Variants in RPL28 observed in about 807,000 individuals in gnomAD.
The protein encoded by RPL28 is large ribosomal subunit protein eL28.
RPL28 carries 4 observed loss-of-function variants against 12.5 expected under a neutral mutation model. The observed-to-expected ratio is 0.32, with a 90% CI of 0.16 to 0.73. The LOEUF (loss-of-function observed/expected upper bound fraction) is 0.73. Ranked by LOEUF, RPL28 falls within the 30% of genes least tolerant of loss-of-function variation. The pLI, the probability that RPL28 is intolerant of heterozygous loss-of-function variation, is 0.66. For synonymous variants in RPL28, 91 were observed against 72.5 expected (o/e 1.26, Z -1.30); for missense variants, 214 against 197.7 (o/e 1.08, Z -0.49).
rs578220068 is a variant in RPL28 at position 55,389,606 on chromosome 19, C to T, written c.*1274C>T. On this transcript the variant is annotated 3_prime_UTR_variant, in exon 5 of 5. Coordinates refer to ENST00000344063, the MANE Select transcript of RPL28 (RefSeq NM_000991.5). The stretch of plus-strand genomic sequence containing the variant: ...TTGGGGTCGTACGGGGCTGGGAGCC[C>T]TGCGTTTTGAGGCAGACCACTGCCC... 2 of 985,388 alleles carry T rather than the reference C, an allele frequency of 2.0e-6. No individual in the cohort carries two copies. Among genetic ancestry groups the T allele is most frequent in the Non-Finnish European group, 2.4e-6 (2 of 829,986 alleles). The allele number at this position is 985,388 out of a possible 1,614,324, so 61.0% of individuals were successfully genotyped here.
chr19:55,394,078 C>T (rs956601238), downstream of RPL28, among the ~76,000 whole-genome samples: 1 of 151,980 alleles, frequency 6.6e-6, no homozygotes, highest in South Asian at 2.1e-4. Flanking sequence ...CAGGCTAACA[C>T]AGTGAAACCC....
At chr19:55,397,331 T>C (rs2090030549) in intron 4 of RPL28, among the ~76,000 whole-genome samples, 1 of 152,360 alleles carries the variant, frequency 6.6e-6, no homozygotes, top group Middle Eastern at 3.4e-3. Context: ...TGTATGGTAT[T>C]GTTTCTTAAA....
At chr19:55,401,487 C>G (rs1379223748) in intron 4 of RPL28, 4 of 1,608,974 alleles carry the variant, frequency 2.5e-6, no homozygotes, top group East Asian at 2.2e-5. Flanking sequence ...TGGCCGCCAG[C>G]TTCTTATCGC....
intron 4 of RPL28, chr19:55,399,758 T>C (rs1268423577): frequency 6.6e-6 from 1 of 152,170 alleles, no homozygotes; most frequent in East Asian, 1.9e-4. Context: ...GGGCAAATAT[T>C]ATTTTTATTA....
exon 5 of RPL28, chr19:55,403,187 T>C: frequency 1.5e-6 from 1 of 662,096 alleles, no homozygotes; most frequent in Non-Finnish European, 2.7e-6. Context: ...CAAAATCACC[T>C]CTGGCTGAGA....
downstream of RPL28, among the ~76,000 whole-genome samples, chr19:55,392,765 G>A (rs1275733849): frequency 1.3e-5 from 2 of 152,006 alleles, no homozygotes; most frequent in Non-Finnish European, 2.9e-5. Flanking sequence ...TCCTGACCTC[G>A]TGATCCGTCC....
At chr19:55,399,646 A>C (rs747221908) in intron 4 of RPL28, 4 of 152,172 alleles carry the variant, frequency 2.6e-5, no homozygotes, top group Non-Finnish European at 5.9e-5. Flanking sequence ...CCCCTTCCTG[A>C]AGCTACGCAG....
intron 4 of RPL28, chr19:55,400,580 A>G (rs1393252398): frequency 2.6e-5 from 4 of 152,258 alleles, no homozygotes; most frequent in Non-Finnish European, 4.4e-5. Context: ...AAGGAGGGGC[A>G]GCTTCTTGGA....
At chr19:55,393,252 C>A (rs905565112), downstream of RPL28, among the ~76,000 whole-genome samples, 1 of 128,314 alleles carries the variant, frequency 7.8e-6, no homozygotes, top group Non-Finnish European at 1.7e-5. Flanking sequence ...GCACCCCCCC[C>A]CCCCCCCGAC....
At position 55,397,612 on chromosome 19, in the gene RPL28, T is replaced by C. The variant is rs551704698; in HGVS notation, c.325-5331T>C. Among the ~76,000 whole-genome samples, 398 of 151,936 alleles carry C rather than the reference T, an allele frequency of 2.6e-3. 3 individuals are homozygous for C. The highest frequency in any genetic ancestry group is 0.014 in the Middle Eastern group (4 of 292). Reference sequence around the variant, plus strand: ...AGCCAGGATAGTCTCGATCTCCTGATCTTGTGATCCACCCGCCTCGACCTC... The same window carrying C: ...AGCCAGGATAGTCTCGATCTCCTGACCTTGTGATCCACCCGCCTCGACCTC... On this transcript the variant is annotated intron_variant, in intron 4 of 4. Transcript: ENST00000560055.
exon 5 of RPL28, chr19:55,402,947 C>T (rs1051601585): frequency 2.8e-5 from 43 of 1,520,664 alleles, no homozygotes; most frequent in Middle Eastern, 1.7e-4. Context: ...TTTCAGCTTG[C>T]GGGAAGGGTT....
At position 55,388,555 on chromosome 19, in the gene RPL28, T is replaced by C. The variant is rs2089959124; in HGVS notation, c.*223T>C. On this transcript the variant is annotated 3_prime_UTR_variant, in exon 5 of 5. Coordinates refer to ENST00000344063, the MANE Select transcript of RPL28 (RefSeq NM_000991.5). ...TGTCCCTGGTGAGGGCAAGGGTCAC[T>C]GTCTTCACAGAAAAAGTTTGCTGAC... 8.0e-7 allele frequency: 1 copy of C among 1,256,314 alleles called. No individual in the cohort carries two copies. Among genetic ancestry groups the C allele is most frequent in the Non-Finnish European group, 1.0e-6 (1 of 1,000,360 alleles). 77.8% of individuals were successfully genotyped at this position (1,256,314 alleles called of 1,614,324 possible). A position where few individuals can be genotyped will look rare whatever the true frequency, so the allele number is the denominator to read the frequency against.
chr19:55,399,156 TTTTTCTTTTCTTTTC>T (rs141233275), intron 4 of RPL28, among the ~76,000 whole-genome samples: 14,953 of 150,916 alleles, frequency 0.099, 1,157 homozygotes, highest in African/African-American at 0.2. Flanking sequence ...CTGGCTAATT[TTTTTCTTTTCTTTTC>T]TTTTCTTTTC....
intron 4 of RPL28, chr19:55,402,914 GA>G (rs1269917190): frequency 6.6e-7 from 1 of 1,523,136 alleles, no homozygotes; most frequent in Non-Finnish European, 8.8e-7. Flanking sequence ...GGACTCATTA[GA>G]AATTTGGTTA....
chr19:55,392,720 G>A (rs534063846), downstream of RPL28, among the ~76,000 whole-genome samples: 171 of 152,064 alleles, frequency 1.1e-3, no homozygotes, highest in Non-Finnish European at 1.4e-3. Flanking sequence ...TAGTAGAGAC[G>A]GGGTTTCACC....
chr19:55,399,465 C>T (rs547583417), intron 4 of RPL28, among the ~76,000 whole-genome samples: 1 of 152,336 alleles, frequency 6.6e-6, no homozygotes, highest in South Asian at 2.1e-4. Flanking sequence ...CCCCACCCAA[C>T]CTTGTTTAGT....
chr19:55,396,482 C>CT (rs1300722040), downstream of RPL28, among the ~76,000 whole-genome samples: 2 of 12,080 alleles, frequency 1.7e-4, no homozygotes, highest in African/African-American at 5.7e-4. Flanking sequence ...AGTTCTCCCC[C>CT]CTCCCCTCCC....
At position 55,390,548 on chromosome 19, in the gene RPL28, C is replaced by T. The variant is rs45621533; in HGVS notation, c.*2216C>T. 7.3e-3 allele frequency: 7,228 copies of T among 985,552 alleles called. 42 individuals are homozygous for T. Among genetic ancestry groups the T allele is most frequent in the South Asian group, 0.034 (727 of 21,300 alleles). 61.1% of individuals were successfully genotyped at this position (985,552 alleles called of 1,614,324 possible). A position where few individuals can be genotyped will look rare whatever the true frequency, so the allele number is the denominator to read the frequency against. The stretch of plus-strand genomic sequence containing the variant: ...GCCTTGTCCTTAACCACCTCCTTGC[C>T]TGCCCTGGAGGCTTGTGCCTCTAGG... On this transcript the variant is annotated 3_prime_UTR_variant, in exon 5 of 5. Transcript: ENST00000344063.
rs567350720 is a variant in RPL28, at chr19:55,389,229, G to C, written c.*897G>C. The C allele has an allele frequency of 1.8e-4, 167 of 921,188 alleles. No individual in the cohort carries two copies. The South Asian group carries it at 4.6e-3, about 25-fold the overall frequency. The allele number at this position is 921,188 out of a possible 1,614,324, so 57.1% of individuals were successfully genotyped here. A position where few individuals can be genotyped will look rare whatever the true frequency, so the allele number is the denominator to read the frequency against. Reference sequence around the variant, plus strand: ...CTGGGTGTGGTGGTGCACCGCCTGTGGTCCCAGCTCCTCAGAGGTTGAGTA... The same window carrying C: ...CTGGGTGTGGTGGTGCACCGCCTGTCGTCCCAGCTCCTCAGAGGTTGAGTA... On this transcript the variant is annotated 3_prime_UTR_variant, in exon 5 of 5. Transcript: ENST00000344063.
Sources: allele counts gnomAD v4.1 joint callset (sites outside exome capture counted in the v4.1 genomes callset), GRCh38; gene constraint gnomAD v4.1.1; transcripts MANE v1.5; gene names NCBI Gene and HGNC (gene_info 2026-07-23, HGNC 2026-07-21).